Variants in DSCAML1 observed in about 807,000 individuals in gnomAD.
DSCAML1 encodes DS cell adhesion molecule like 1, also known as cell adhesion molecule DSCAML1.
A neutral mutation model predicts 200.5 loss-of-function variants in DSCAML1; 38 were observed. The observed-to-expected ratio is 0.19, with a 90% CI of 0.15 to 0.25. The LOEUF (loss-of-function observed/expected upper bound fraction) is 0.25. DSCAML1 is among the 10% of genes least tolerant of loss of function. The pLI is 1.00. For missense variants in DSCAML1, 2,223 were observed against 2,858.8 expected, an observed-to-expected ratio of 0.78 and a Z score of 5.07; for synonymous variants, 1,215 against 1,165.0, an observed-to-expected ratio of 1.04 and a Z score of -0.87.
chr11:117,720,879 A>G (rs2054031393), intron 3 of DSCAML1, among the ~76,000 whole-genome samples: 1 of 152,244 alleles, frequency 6.6e-6, no homozygotes, highest in Non-Finnish European at 1.5e-5. Flanking sequence ...CTAGTTAACC[A>G]TCATTAACCT....
intron 3 of DSCAML1, among the ~76,000 whole-genome samples, chr11:117,536,613 C>G (rs1017448909): frequency 2.6e-5 from 4 of 152,178 alleles, no homozygotes; most frequent in African/African-American, 9.7e-5. Context: ...ACTGTTCCAC[C>G]CCAAATGCCA....
chr11:117,753,603 G>A (rs1432340636), intron 3 of DSCAML1, among the ~76,000 whole-genome samples: 2 of 152,208 alleles, frequency 1.3e-5, no homozygotes, highest in Admixed American at 6.5e-5. Context: ...AGCATAACAT[G>A]AGCTGATGTA....
intron 20 of DSCAML1, among the ~76,000 whole-genome samples, chr11:117,450,295 C>T (rs2048260592): frequency 6.6e-6 from 1 of 152,254 alleles, no homozygotes; most frequent in African/African-American, 2.4e-5. Flanking sequence ...CCTGGTTGGG[C>T]ATGGCCCACC....
chr11:117,462,620 T>G (rs2048502664), intron 17 of DSCAML1, among the ~76,000 whole-genome samples: 1 of 152,236 alleles, frequency 6.6e-6, no homozygotes, highest in Non-Finnish European at 1.5e-5. Context: ...TCTTTGAGAA[T>G]GATTATTGTT....
intron 3 of DSCAML1, among the ~76,000 whole-genome samples, chr11:117,625,646 C>A: frequency 6.6e-6 from 1 of 152,238 alleles, no homozygotes; most frequent in African/African-American, 2.4e-5. Context: ...CCTTGACTGT[C>A]GAAAATGAAG....
intron 24 of DSCAML1, 86 bp from the exon 25 acceptor site, chr11:117,438,169 G>A: frequency 7.4e-7 from 1 of 1,359,000 alleles, no homozygotes; most frequent in Admixed American, 2.3e-5. Context: ...CAGGGGGCTG[G>A]GCTCCAGGCA....
At chr11:117,587,262 C>CCCG (rs796303967) in intron 3 of DSCAML1, among the ~76,000 whole-genome samples, 4 of 150,674 alleles carry the variant, frequency 2.7e-5, no homozygotes, top group Non-Finnish European at 5.9e-5. Flanking sequence ...AACCCCCCCC[C>CCCG]ACGATTTAGA....
intron 16 of DSCAML1, among the ~76,000 whole-genome samples, chr11:117,467,509 GT>G (rs201551791): frequency 7.9e-5 from 12 of 150,946 alleles, no homozygotes; most frequent in Admixed American, 2.0e-4. Flanking sequence ...CAGCACTACT[GT>G]TTTTTTTTCT....
At chr11:117,723,147 G>T (rs2054067792) in intron 3 of DSCAML1, among the ~76,000 whole-genome samples, 1 of 152,212 alleles carries the variant, frequency 6.6e-6, no homozygotes. Flanking sequence ...AAGTGCTGTA[G>T]TATGTTAGCT....
chr11:117,438,480 G>A (rs753065571), intron 24 of DSCAML1, among the ~76,000 whole-genome samples: 15 of 152,078 alleles, frequency 9.9e-5, no homozygotes, highest in Non-Finnish European at 1.9e-4. Context: ...CACCTGGGGC[G>A]TGTTAGAAAG....
intron 3 of DSCAML1, among the ~76,000 whole-genome samples, chr11:117,622,846 G>A (rs555886799): frequency 3.3e-5 from 5 of 152,248 alleles, no homozygotes; most frequent in African/African-American, 1.2e-4. Flanking sequence ...GATCCTACGG[G>A]TAACAGATTC....
intron 19 of DSCAML1, among the ~76,000 whole-genome samples, chr11:117,452,590 T>G (rs1356753407): frequency 3.3e-5 from 5 of 152,234 alleles, no homozygotes; most frequent in Non-Finnish European, 7.3e-5. Context: ...TTTAGTTAAT[T>G]TATCTTTAAT....
rs762228794 is a variant in DSCAML1 at position 117,816,807 on chromosome 11, G to GGT, written c.-250+582_-250+583insAC. ...GAGAGTTCGGAATTGCTGGGGGGGT[G>GGT]GGGTGGAGATTTCTCCTGATGCCCC... On this transcript the variant is annotated intron_variant, in intron 1 of 2. Transcript: ENST00000525836. 8.6e-3 allele frequency among the ~76,000 whole-genome samples: 993 copies of GGT among 115,046 alleles called. 10 individuals are homozygous for GGT. The highest frequency in any genetic ancestry group is 0.029 in the Middle Eastern group (6 of 210). The allele number at this position is 115,046 out of a possible 152,430, so 75.5% of individuals were successfully genotyped here.
intron 11 of DSCAML1, among the ~76,000 whole-genome samples, chr11:117,495,649 C>T (rs1365511197): frequency 6.6e-6 from 1 of 151,902 alleles, no homozygotes; most frequent in Non-Finnish European, 1.5e-5. Flanking sequence ...AGCCAGCATC[C>T]GGCTGCTCAG....
At chr11:117,605,237 C>T (rs2051541637) in intron 3 of DSCAML1, among the ~76,000 whole-genome samples, 1 of 152,178 alleles carries the variant, frequency 6.6e-6, no homozygotes, top group South Asian at 2.1e-4. Flanking sequence ...CTTGATTCTC[C>T]CCACTACCCC....
chr11:117,440,947 A>AG (rs2048033718), intron 21 of DSCAML1, among the ~76,000 whole-genome samples: 1 of 137,300 alleles, frequency 7.3e-6, no homozygotes, highest in South Asian at 2.4e-4. Context: ...AAAAAAAAAA[A>AG]GGAGTGGTGT....
chr11:117,491,135 C>T (rs1351000665), intron 11 of DSCAML1, among the ~76,000 whole-genome samples: 1 of 152,172 alleles, frequency 6.6e-6, no homozygotes, highest in Non-Finnish European at 1.5e-5. Context: ...GATGAGAATG[C>T]CACGGGCTGC....
intron 1 of DSCAML1, among the ~76,000 whole-genome samples, chr11:117,809,262 G>T (rs957400981): frequency 3.3e-5 from 5 of 152,242 alleles, no homozygotes; most frequent in Admixed American, 6.5e-5. Flanking sequence ...GTCCTGGGAG[G>T]CCAGCTGCCG....
At chr11:117,583,763 T>C (rs928267742) in intron 3 of DSCAML1, among the ~76,000 whole-genome samples, 5 of 152,208 alleles carry the variant, frequency 3.3e-5, no homozygotes, top group African/African-American at 1.2e-4. Context: ...TGCATCTTCA[T>C]CCACAGAATG....
Sources: allele counts gnomAD v4.1 joint callset (sites outside exome capture counted in the v4.1 genomes callset), GRCh38; gene constraint gnomAD v4.1.1; transcripts MANE v1.5; gene names NCBI Gene and HGNC (gene_info 2026-07-23, HGNC 2026-07-21).